Variants in HPS1 observed in about 807,000 individuals in gnomAD.
HPS1 encodes BLOC-3 complex member HPS1.
HPS1 carries 59 observed loss-of-function variants against 90.6 expected under a neutral mutation model. That is an observed-to-expected ratio of 0.65 (90% CI 0.53 to 0.81). HPS1 has a LOEUF of 0.81. Ranked by LOEUF, HPS1 falls within the 30% of genes least tolerant of loss-of-function variation. The pLI is 0.00. For synonymous variants in HPS1, 388 were observed against 384.4 expected, an observed-to-expected ratio of 1.01 and a Z score of -0.11; for missense variants, 849 against 896.7, an observed-to-expected ratio of 0.95 and a Z score of 0.68.
In HPS1 at chr10:98,446,893, G is replaced by A. The variant is rs1449757560; in HGVS notation, c.-192C>T. The A allele has an allele frequency of 6.6e-6, 1 of 152,022 alleles. No individual in the cohort carries two copies. The highest frequency in any genetic ancestry group is 1.5e-5 in the Non-Finnish European group (1 of 67,956). The allele number at this position is 152,022 out of a possible 1,614,324, so 9.4% of individuals were successfully genotyped here. A position where few individuals can be genotyped will look rare whatever the true frequency, so the allele number is the denominator to read the frequency against. ...AGCCCGGAGGCCCACGTACCGGATC[G>A]CGGCGCGCACAGCGCCCCGCCTGCA... On this transcript the variant is annotated 5_prime_UTR_variant, in exon 1 of 20. Transcript: ENST00000361490.
intron 17 of HPS1, 130 bp from the exon 18 acceptor site, chr10:98,420,288 G>A (rs1457414232): frequency 1.4e-6 from 1 of 730,162 alleles, no homozygotes; most frequent in Non-Finnish European, 2.5e-6. Flanking sequence ...TAGTACCCGG[G>A]CACTGCCTTG....
At position 98,420,172 on chromosome 10, in the gene HPS1, A is replaced by T; in HGVS notation, c.1744-14T>A. On this transcript the variant is annotated splice_polypyrimidine_tract_variant and intron_variant, in intron 17 of 19. Transcript: ENST00000361490. Reference sequence around the variant, plus strand: ...CAGAGACCAGACCTGGGGAAAAGACAGCAAGCATCACCACTCTCCCAGCCT... The same window carrying T: ...CAGAGACCAGACCTGGGGAAAAGACTGCAAGCATCACCACTCTCCCAGCCT... 1.3e-6 allele frequency: 2 copies of T among 1,574,922 alleles called. No homozygotes were observed. Among genetic ancestry groups the T allele is most frequent in the Non-Finnish European group, 1.7e-6 (2 of 1,144,582 alleles).
At chr10:98,415,222 G>C, downstream of HPS1, 1 of 1,494,320 alleles carries the variant, frequency 6.7e-7, no homozygotes, top group Non-Finnish European at 8.9e-7. Context: ...GAGCAGGGAG[G>C]AAGCAGGAAG....
intron 5 of HPS1, 80 bp from the exon 6 acceptor site, chr10:98,434,171 C>T (rs1846953025): frequency 8.4e-6 from 12 of 1,421,778 alleles, no homozygotes; most frequent in Non-Finnish European, 1.1e-5. Flanking sequence ...ACCACAGTCT[C>T]AGCTCAGCAT....
chr10:98,443,771 G>A (rs529675660), intron 2 of HPS1, among the ~76,000 whole-genome samples: 2 of 152,202 alleles, frequency 1.3e-5, no homozygotes, highest in Admixed American at 6.5e-5. Context: ...GGTGGCTCAC[G>A]CCTGTAATCC....
At chr10:98,421,057 C>T (rs1844788538) in intron 17 of HPS1, among the ~76,000 whole-genome samples, 2 of 152,220 alleles carry the variant, frequency 1.3e-5, no homozygotes, top group African/African-American at 2.4e-5. Context: ...GGTGAAGTGC[C>T]CCAGGGAAGG....
Position 98,420,327 on chromosome 10 carries a change from C to A in HPS1, c.1744-169G>T, listed in dbSNP as rs1345777254. The A allele has an allele frequency of 5.6e-5, 37 of 656,808 alleles. No homozygotes were observed. The Admixed American group carries it at 8.0e-4, about 14-fold the overall frequency. The allele number at this position is 656,808 out of a possible 1,614,324, so 40.7% of individuals were successfully genotyped here. A position where few individuals can be genotyped will look rare whatever the true frequency, so the allele number is the denominator to read the frequency against. ...CAGAGCAGGAGGCTCAACAATAAAT[C>A]ATTATTGGATGGATGGACTACCCTC... On this transcript the variant is annotated intron_variant, in intron 17 of 19. Coordinates refer to ENST00000361490, the MANE Select transcript of HPS1 (RefSeq NM_000195.5).
At chr10:98,414,816 C>T (rs191841463), downstream of HPS1, 23 of 758,752 alleles carry the variant, frequency 3.0e-5, 1 homozygote, top group East Asian at 3.2e-4. Flanking sequence ...GAGCCAGCAC[C>T]GGAATCCCAG....
At chr10:98,434,315 C>T (rs1022953526) in intron 5 of HPS1, among the ~76,000 whole-genome samples, 9 of 152,038 alleles carry the variant, frequency 5.9e-5, no homozygotes, top group African/African-American at 2.2e-4. Flanking sequence ...AATCACCTCA[C>T]TCCTCAGCCT....
intron 13 of HPS1, among the ~76,000 whole-genome samples, chr10:98,424,690 G>A (rs1301853688): frequency 5.9e-5 from 9 of 152,318 alleles, no homozygotes; most frequent in Middle Eastern, 3.4e-3. Flanking sequence ...ACAGGGCAGC[G>A]GCTGGGGTGT....
rs754169061 is a variant in HPS1 at position 98,445,305 on chromosome 10, C to G, written c.-6G>C. 2 of 152,714 alleles carry G rather than the reference C, an allele frequency of 1.3e-5. No homozygotes were observed. The highest frequency in any genetic ancestry group is 2.9e-5 in the Non-Finnish European group (2 of 68,398). The allele number at this position is 152,714 out of a possible 1,614,324, so 9.5% of individuals were successfully genotyped here. A position where few individuals can be genotyped will look rare whatever the true frequency, so the allele number is the denominator to read the frequency against. ...GGTGGGGCAAGATCATCTACCTTGGCAAGCACAGTGGAGCATCCAGACGGC... is the reference window on the plus strand; with the variant it reads ...GGTGGGGCAAGATCATCTACCTTGGGAAGCACAGTGGAGCATCCAGACGGC... On this transcript the variant is annotated 5_prime_UTR_variant, in exon 2 of 20. Coordinates refer to ENST00000361490, the MANE Select transcript of HPS1 (RefSeq NM_000195.5). The surrounding 1 kb of genome is among the most constrained non-coding windows in gnomAD (Gnocchi z 4.5).
intron 3 of HPS1, among the ~76,000 whole-genome samples, chr10:98,437,772 C>A (rs747660826): frequency 1.3e-5 from 2 of 152,164 alleles, no homozygotes; most frequent in South Asian, 2.1e-4. Context: ...GCTTTTTCTG[C>A]AGGAATAGAA....
At chr10:98,446,405 G>C (rs988235773) in intron 1 of HPS1, among the ~76,000 whole-genome samples, 3 of 152,212 alleles carry the variant, frequency 2.0e-5, no homozygotes, top group Admixed American at 2.0e-4. Context: ...ATGGCGGGGG[G>C]CCAACCTGGG....
intron 10 of HPS1, among the ~76,000 whole-genome samples, chr10:98,428,715 T>A (rs74154471): frequency 9.3e-5 from 14 of 150,454 alleles, no homozygotes; most frequent in African/African-American, 2.2e-4. Context: ...TTTTTTTTTT[T>A]ACCTAAGAAC....
intron 18 of HPS1, among the ~76,000 whole-genome samples, chr10:98,418,974 C>T (rs1423821261): frequency 6.6e-6 from 1 of 152,232 alleles, no homozygotes; most frequent in Non-Finnish European, 1.5e-5. Flanking sequence ...AAGCTGGGAG[C>T]CTGCAGGCCG....
At chr10:98,438,507 G>A (rs1937791494) in intron 3 of HPS1, among the ~76,000 whole-genome samples, 1 of 152,236 alleles carries the variant, frequency 6.6e-6, no homozygotes, top group African/African-American at 2.4e-5. Context: ...CTAGAGATCT[G>A]TGCAACTTTG....
chr10:98,420,884 T>C (rs1196557614), intron 17 of HPS1, among the ~76,000 whole-genome samples: 1 of 152,154 alleles, frequency 6.6e-6, no homozygotes, highest in African/African-American at 2.4e-5. Context: ...TGGGAACTGA[T>C]GGCACAGGTG....
At chr10:98,425,793 A>G (rs758411461) in intron 12 of HPS1, 25 bp downstream of exon 12, 1 of 1,608,644 alleles carries the variant, frequency 6.2e-7, no homozygotes, top group Admixed American at 1.7e-5. Context: ...AAGCATCATC[A>G]GGGCAGGGTG....
In HPS1 at chr10:98,446,012, G is replaced by T. The variant is rs1172914428; in HGVS notation, c.-105-608C>A. On this transcript the variant is annotated intron_variant, in intron 1 of 19. Coordinates refer to ENST00000361490, the MANE Select transcript of HPS1 (RefSeq NM_000195.5). ...AACTGCGTTCTTACATAGGTGTGGG[G>T]ATCATTATTCCTATTTCCCAGCTTC... Among the ~76,000 whole-genome samples the T allele has an allele frequency of 2.0e-5, 3 of 152,210 alleles. No homozygotes were observed. In the East Asian group the frequency reaches 5.8e-4, roughly 29 times the overall value.
Sources: gnomAD v4.1 joint callset for allele counts (sites outside exome capture counted in the v4.1 genomes callset) on GRCh38, gnomAD v4.1.1 for gene constraint, Gnocchi (gnomAD v3.1) non-coding constraint, MANE v1.5 for transcripts, NCBI Gene and HGNC (gene_info 2026-07-23, HGNC 2026-07-21) for gene names.